Variants in CBFA2T2 observed in about 807,000 individuals in gnomAD.
CBFA2T2 encodes protein CBFA2T2.
Under a neutral mutation model 62.2 loss-of-function variants are expected in CBFA2T2, and 11 were observed. The ratio of observed to expected loss-of-function variants is 0.18; its 90% CI spans 0.11 to 0.29. The LOEUF (loss-of-function observed/expected upper bound fraction) is 0.29. CBFA2T2 is among the 10% of genes least tolerant of loss of function. CBFA2T2 has a pLI of 1.00. For missense variants in CBFA2T2, 592 were observed against 774.1 expected, an observed-to-expected ratio of 0.76 and a Z score of 2.79; for synonymous variants, 295 against 287.5, an observed-to-expected ratio of 1.03 and a Z score of -0.27.
intron 1 of CBFA2T2, among the ~76,000 whole-genome samples, chr20:33,496,540 A>G (rs1261125618): frequency 6.6e-6 from 1 of 152,222 alleles, no homozygotes; most frequent in Non-Finnish European, 1.5e-5. Flanking sequence ...AGAAAGGTAT[A>G]TAATCATTGG....
chr20:33,527,415 C>T (rs1007489027), intron 1 of CBFA2T2, among the ~76,000 whole-genome samples: 35 of 145,982 alleles, frequency 2.4e-4, no homozygotes, highest in Non-Finnish European at 3.9e-4. Context: ...TTCTGTCGCC[C>T]GGGTTGGAGT....
intron 1 of CBFA2T2, among the ~76,000 whole-genome samples, chr20:33,514,813 C>T (rs528023799): frequency 9.7e-4 from 148 of 151,986 alleles, no homozygotes; most frequent in African/African-American, 3.1e-3. Context: ...TCTCCTGCCT[C>T]GGCCTCCCGA....
chr20:33,522,302 G>A (rs765883992), intron 1 of CBFA2T2, among the ~76,000 whole-genome samples: 2 of 147,146 alleles, frequency 1.4e-5, no homozygotes, highest in Non-Finnish European at 2.9e-5. Context: ...TTTCAGAAAC[G>A]AGTAGTGAAA....
At chr20:33,497,289 A>AG (rs2146844162) in intron 1 of CBFA2T2, among the ~76,000 whole-genome samples, 1 of 150,882 alleles carries the variant, frequency 6.6e-6, no homozygotes, top group East Asian at 1.9e-4. Context: ...AAAAAAAAAA[A>AG]AAAAAAAAAG....
intron 5 of CBFA2T2, 54 bp from the exon 6 acceptor site, chr20:33,624,710 T>C: frequency 6.3e-7 from 1 of 1,590,342 alleles, no homozygotes; most frequent in Non-Finnish European, 8.6e-7. Context: ...TCAGGAAATG[T>C]CTGCATGAAC....
intron 1 of CBFA2T2, among the ~76,000 whole-genome samples, chr20:33,500,678 C>T (rs908947115): frequency 2.6e-5 from 4 of 151,940 alleles, no homozygotes; most frequent in African/African-American, 9.7e-5. Context: ...CACTACACTC[C>T]AGCCTGGGCG....
At chr20:33,630,554 T>C (rs1007843073) in intron 8 of CBFA2T2, among the ~76,000 whole-genome samples, 2 of 152,296 alleles carry the variant, frequency 1.3e-5, no homozygotes, top group Middle Eastern at 3.4e-3. Flanking sequence ...CATACCACGC[T>C]GGGTTGTTTC....
chr20:33,628,866 A>G (rs558761479), intron 7 of CBFA2T2, among the ~76,000 whole-genome samples: 1 of 152,346 alleles, frequency 6.6e-6, no homozygotes, highest in South Asian at 2.1e-4. Context: ...TGGTTTAGCT[A>G]CTACTCCCTC....
At chr20:33,626,570 C>T (rs182610731) in intron 6 of CBFA2T2, among the ~76,000 whole-genome samples, 71 of 152,346 alleles carry the variant, frequency 4.7e-4, no homozygotes, top group African/African-American at 1.6e-3. Context: ...AGCGGTTTGT[C>T]ATGTACTCTT....
intron 1 of CBFA2T2, chr20:33,574,184 A>G (rs1405671693): frequency 1.2e-6 from 2 of 1,612,738 alleles, no homozygotes; most frequent in South Asian, 2.2e-5. Context: ...TTGGAACATA[A>G]GCAGATCACC....
chr20:33,632,560 C>T (rs1294308356), intron 8 of CBFA2T2, among the ~76,000 whole-genome samples: 3 of 150,352 alleles, frequency 2.0e-5, no homozygotes, highest in Non-Finnish European at 3.0e-5. Context: ...CCTCTGCGTC[C>T]TGGATTCAAG....
chr20:33,527,634 A>G (rs982711463), intron 1 of CBFA2T2, among the ~76,000 whole-genome samples: 1 of 151,952 alleles, frequency 6.6e-6, no homozygotes, highest in Non-Finnish European at 1.5e-5. Context: ...CAGGCTCCCA[A>G]AATGCTGGGA....
Position 33,517,503 on chromosome 20 carries a change from G to A in CBFA2T2, c.34+27202G>A, listed in dbSNP as rs751860737. On this transcript the variant is annotated intron_variant, in intron 1 of 10. Transcript: ENST00000342704. ...CTCGCTCTGTTGTCCAGACTAAAGTGCAGTGGTGTGATCTTGGCTCACTGC... is the reference window on the plus strand; with the variant it reads ...CTCGCTCTGTTGTCCAGACTAAAGTACAGTGGTGTGATCTTGGCTCACTGC... Among the ~76,000 whole-genome samples the A allele has an allele frequency of 1.0e-3, 143 of 143,648 alleles. 2 individuals are homozygous for A. The highest frequency in any genetic ancestry group is 3.8e-4 in the Non-Finnish European group (25 of 66,626). 94.2% of individuals were successfully genotyped at this position (143,648 alleles called of 152,430 possible). A position where few individuals can be genotyped will look rare whatever the true frequency, so the allele number is the denominator to read the frequency against.
At chr20:33,632,364 A>G (rs2016483767) in intron 8 of CBFA2T2, among the ~76,000 whole-genome samples, 1 of 151,990 alleles carries the variant, frequency 6.6e-6, no homozygotes. Context: ...TCTTAGACAC[A>G]TAGTTGTTTT....
At chr20:33,503,879 A>T (rs1381951396) in intron 1 of CBFA2T2, among the ~76,000 whole-genome samples, 1 of 152,064 alleles carries the variant, frequency 6.6e-6, no homozygotes, top group Non-Finnish European at 1.5e-5. Flanking sequence ...GGGTAGAGAA[A>T]AAAACTTGCT....
At chr20:33,602,928 G>C (rs534859852) in intron 1 of CBFA2T2, among the ~76,000 whole-genome samples, 1 of 152,154 alleles carries the variant, frequency 6.6e-6, no homozygotes, top group Non-Finnish European at 1.5e-5. Flanking sequence ...GATGGTAACC[G>C]AGATGGCTAC....
At chr20:33,536,664 G>A (rs1174054998) in intron 1 of CBFA2T2, among the ~76,000 whole-genome samples, 4 of 151,144 alleles carry the variant, frequency 2.6e-5, no homozygotes, top group African/African-American at 4.9e-5. Flanking sequence ...CAGATGGGGC[G>A]GCCGGGCAGA....
intron 6 of CBFA2T2, among the ~76,000 whole-genome samples, chr20:33,625,962 C>T (rs908769129): frequency 2.0e-5 from 3 of 152,082 alleles, no homozygotes; most frequent in Admixed American, 6.5e-5. Flanking sequence ...CTTAGCTGGG[C>T]GTGGTGGTGG....
intron 2 of CBFA2T2, among the ~76,000 whole-genome samples, chr20:33,610,794 CT>C (rs2015494204): frequency 6.6e-6 from 1 of 152,178 alleles, no homozygotes; most frequent in South Asian, 2.1e-4. Context: ...ATCTCAAGCA[CT>C]ACCTGTTGCA....
Sources: allele counts gnomAD v4.1 joint callset (sites outside exome capture counted in the v4.1 genomes callset), GRCh38; gene constraint gnomAD v4.1.1; transcripts MANE v1.5; gene names NCBI Gene and HGNC (gene_info 2026-07-23, HGNC 2026-07-21).